The following KCND2 variants were observed in gnomAD, a reference collection of about 807,000 sequenced individuals.
KCND2 encodes the protein A-type voltage-gated potassium channel KCND2.
Under a neutral mutation model 54.4 loss-of-function variants are expected in KCND2, and 16 were observed. The observed-to-expected ratio is 0.29, with a 90% confidence interval of 0.20 to 0.45. The LOEUF (loss-of-function observed/expected upper bound fraction) is 0.45, where lower values mean the gene tolerates loss of function less well. KCND2 is among the 20% of genes least tolerant of loss of function. The pLI, the probability that KCND2 is intolerant of heterozygous loss-of-function variation, is 1.00. For synonymous variants in KCND2, 317 were observed against 310.7 expected (o/e 1.02, Z -0.21); for missense variants, 486 against 824.2 (o/e 0.59, Z 5.02).
At chr7:120,699,183 G>C (rs568008302) in intron 1 of KCND2, among the ~76,000 whole-genome samples, 1 of 151,954 alleles carries the variant, frequency 6.6e-6, no homozygotes, top group African/African-American at 2.4e-5. Context: ...TTGGGAGGCT[G>C]AGGCAGGAGA....
At chr7:120,307,310 G>A (rs1277479788) in intron 1 of KCND2, among the ~76,000 whole-genome samples, 1 of 151,974 alleles carries the variant, frequency 6.6e-6, no homozygotes, top group Admixed American at 6.6e-5. Context: ...TCAGCATAAA[G>A]TGAAATTTTT....
chr7:120,710,837 A>G (rs530531826), intron 1 of KCND2, among the ~76,000 whole-genome samples: 1 of 152,262 alleles, frequency 6.6e-6, no homozygotes. Context: ...ATTCATACCC[A>G]ATTCATTCTC....
intron 1 of KCND2, among the ~76,000 whole-genome samples, chr7:120,375,567 C>T (rs991608420): frequency 4.0e-5 from 6 of 151,664 alleles, no homozygotes; most frequent in African/African-American, 1.5e-4. Context: ...TGTCAGAAAC[C>T]CTAAATTCAT....
intron 1 of KCND2, among the ~76,000 whole-genome samples, chr7:120,315,748 G>A (rs1799802296): frequency 1.3e-5 from 2 of 148,602 alleles, no homozygotes; most frequent in Admixed American, 1.3e-4. Flanking sequence ...GAAATGTTTT[G>A]TGGTTTTTCC....
At chr7:120,524,049 A>C (rs1401997539) in intron 1 of KCND2, among the ~76,000 whole-genome samples, 1 of 151,964 alleles carries the variant, frequency 6.6e-6, no homozygotes, top group Admixed American at 6.6e-5. Context: ...CGGACTGTGC[A>C]ACATGGTGAA....
intron 1 of KCND2, among the ~76,000 whole-genome samples, chr7:120,696,562 A>G (rs985168): frequency 0.096 from 14,636 of 152,260 alleles, 1,055 homozygotes; most frequent in East Asian, 0.42. Context: ...GAAACTTACT[A>G]TCCAATACAA....
intron 1 of KCND2, among the ~76,000 whole-genome samples, chr7:120,282,430 C>T (rs1211522980): frequency 6.6e-6 from 1 of 152,070 alleles, no homozygotes; most frequent in Non-Finnish European, 1.5e-5. Flanking sequence ...AGTTAACATT[C>T]TAAGAAATTA....
intron 1 of KCND2, among the ~76,000 whole-genome samples, chr7:120,577,624 C>T (rs1792453622): frequency 6.6e-6 from 1 of 152,150 alleles, no homozygotes; most frequent in African/African-American, 2.4e-5. Flanking sequence ...CTCGCTTTGT[C>T]ACCCAGGCTG....
intron 1 of KCND2, among the ~76,000 whole-genome samples, chr7:120,728,155 A>G (rs1019656619): frequency 2.0e-5 from 3 of 151,092 alleles, no homozygotes; most frequent in Middle Eastern, 6.8e-3. Context: ...AAAAGAAAGA[A>G]AGAAAAAAGA....
At chr7:120,669,869 T>C (rs1214201975) in intron 1 of KCND2, among the ~76,000 whole-genome samples, 1 of 152,048 alleles carries the variant, frequency 6.6e-6, no homozygotes, top group Non-Finnish European at 1.5e-5. Flanking sequence ...GCAAAAACAG[T>C]AATAATAAAG....
chr7:120,607,906 G>GT (rs1792902296), intron 1 of KCND2, among the ~76,000 whole-genome samples: 1 of 152,070 alleles, frequency 6.6e-6, no homozygotes, highest in Non-Finnish European at 1.5e-5. Flanking sequence ...GAAAAGTGAG[G>GT]TAGGTCTACT....
intron 1 of KCND2, among the ~76,000 whole-genome samples, chr7:120,413,387 T>C (rs1453541450): frequency 6.6e-6 from 1 of 151,994 alleles, no homozygotes; most frequent in Non-Finnish European, 1.5e-5. Flanking sequence ...TATAATTTCT[T>C]CTGGGTTAAT....
chr7:120,467,321 C>A (rs1481184803), intron 1 of KCND2, among the ~76,000 whole-genome samples: 1 of 152,148 alleles, frequency 6.6e-6, no homozygotes, highest in Non-Finnish European at 1.5e-5. Context: ...TCCTTTCCAT[C>A]AGTTTCTTGA....
At chr7:120,396,459 A>G (rs1277984779) in intron 1 of KCND2, among the ~76,000 whole-genome samples, 1 of 152,064 alleles carries the variant, frequency 6.6e-6, no homozygotes, top group Non-Finnish European at 1.5e-5. Context: ...TGTAATTGTT[A>G]TATTTCGACA....
chr7:120,318,233 A>G lies in KCND2; in HGVS notation c.1115+42486A>G, dbSNP rs111653411. Among the ~76,000 whole-genome samples, 1,015 of 152,270 alleles carry G rather than the reference A, an allele frequency of 6.7e-3. 6 individuals are homozygous for G. Among genetic ancestry groups the G allele is most frequent in the Non-Finnish European group, 0.011 (723 of 67,976 alleles). ...TATATTGAGTGGACCTAAGAGTCAG[A>G]GTGGGTGTTGGGTTGACTACAAATA... On this transcript the variant is annotated intron_variant, in intron 1 of 5. Transcript: ENST00000331113.
At chr7:120,529,922 A>C (rs1297569900) in intron 1 of KCND2, among the ~76,000 whole-genome samples, 4 of 152,024 alleles carry the variant, frequency 2.6e-5, no homozygotes, top group Non-Finnish European at 5.9e-5. Flanking sequence ...TCTCTAAAAA[A>C]ATTTAAAAAT....
intron 1 of KCND2, among the ~76,000 whole-genome samples, chr7:120,574,391 AC>A (rs1021469828): frequency 4.6e-5 from 7 of 152,330 alleles, no homozygotes; most frequent in African/African-American, 1.4e-4. Context: ...GCAATACTTG[AC>A]AAGGCACAAA....
At chr7:120,326,289 T>C (rs1799976209) in intron 1 of KCND2, among the ~76,000 whole-genome samples, 1 of 152,138 alleles carries the variant, frequency 6.6e-6, no homozygotes, top group Non-Finnish European at 1.5e-5. Context: ...TACAGTTTAT[T>C]AATAAATGTT....
rs1313833089 is a variant in KCND2 at position 120,273,371 on chromosome 7, C to T, written c.-1262C>T. Among the ~76,000 whole-genome samples, 2 of 148,054 alleles carry T rather than the reference C, an allele frequency of 1.4e-5. No homozygotes were observed. Among genetic ancestry groups the T allele is most frequent in the Admixed American group, 1.3e-4 (2 of 14,888 alleles). The stretch of plus-strand genomic sequence containing the variant: ...GCGCTCGGACGAGAGCCCGTGCCGG[C>T]CCCGGCCCCGGCCCCACCGCGCCAA... On this transcript the variant is annotated 5_prime_UTR_variant, in exon 1 of 6. Transcript: ENST00000331113.
Sources: allele counts gnomAD v4.1 joint callset (sites outside exome capture counted in the v4.1 genomes callset), GRCh38; gene constraint gnomAD v4.1.1; transcripts MANE v1.5; gene names NCBI Gene and HGNC (gene_info 2026-07-23, HGNC 2026-07-21).